The following HEG1 variants were observed in gnomAD, a reference collection of about 807,000 sequenced individuals.
HEG1 encodes the protein heart development protein with EGF like domains 1, also known as protein HEG homolog 1.
In HEG1, 56 loss-of-function variants were observed where a neutral mutation model predicts 125.6. The observed-to-expected ratio is 0.45, with a 90% CI of 0.36 to 0.56. The LOEUF is 0.56. HEG1 is among the 20% of genes least tolerant of loss of function. The pLI, the probability that HEG1 is intolerant of heterozygous loss-of-function variation, is 0.00. For synonymous variants in HEG1, 644 were observed against 668.5 expected (o/e 0.96, Z 0.57); for missense variants, 1,523 against 1,670.0 (o/e 0.91, Z 1.53).
At chr3:125,052,147 T>G (rs1259216103) in intron 1 of HEG1, among the ~76,000 whole-genome samples, 1 of 35,980 alleles carries the variant, frequency 2.8e-5, no homozygotes, top group African/African-American at 1.1e-4. Flanking sequence ...CCTCCCCCCC[T>G]TCTATTTGGG....
intron 8 of HEG1, among the ~76,000 whole-genome samples, chr3:125,005,573 T>C (rs1937060006): frequency 6.6e-6 from 1 of 152,150 alleles, no homozygotes; most frequent in Non-Finnish European, 1.5e-5. Flanking sequence ...TGCTGAAGGC[T>C]TAGATTGAGC....
intron 15 of HEG1, among the ~76,000 whole-genome samples, chr3:124,976,964 G>A (rs6777983): frequency 0.35 from 53,581 of 151,948 alleles, 10,330 homozygotes; most frequent in African/African-American, 0.5. Context: ...GATATGGTTC[G>A]GCTATGTCCC....
At chr3:125,033,565 G>A (rs1937518604) in intron 1 of HEG1, among the ~76,000 whole-genome samples, 6 of 152,216 alleles carry the variant, frequency 3.9e-5, no homozygotes. Flanking sequence ...TCGTATGGGT[G>A]TGCTGTATGT....
chr3:125,027,497 A>G lies in HEG1; in HGVS notation c.621T>C (p.Ser207=). The G allele has an allele frequency of 6.2e-7, 1 of 1,600,638 alleles. No individual in the cohort carries two copies. Among genetic ancestry groups the G allele is most frequent in the Admixed American group, 1.7e-5 (1 of 57,772 alleles). The change falls in exon 3 of 17, where the codon AGT becomes AGC. Residue 207 remains serine (S), a synonymous_variant. Coordinates refer to ENST00000311127, the MANE Select transcript of HEG1 (RefSeq NM_020733.2). The part of the protein sequence containing the change: ...TSQSGNLASE[S]LHLPSSSSEF... ...CTGAACTGCTGGATGGCAGGTGAAGACTTTCTGAGGCTGAAAACAGACAAA... is the reference window on the plus strand; with the variant it reads ...CTGAACTGCTGGATGGCAGGTGAAGGCTTTCTGAGGCTGAAAACAGACAAA...
chr3:125,052,126 G>C (rs2948829), intron 1 of HEG1, among the ~76,000 whole-genome samples: 333 of 144,644 alleles, frequency 2.3e-3, no homozygotes, highest in Non-Finnish European at 3.4e-3. Flanking sequence ...AGAGTCCCTT[G>C]CCCCCTCCCG....
intron 1 of HEG1, among the ~76,000 whole-genome samples, chr3:125,050,135 C>A (rs1937769816): frequency 6.9e-6 from 1 of 144,670 alleles, no homozygotes; most frequent in African/African-American, 2.6e-5. Context: ...ATTCATCCAC[C>A]AACTCTCTTT....
At chr3:124,978,427 G>A (rs368051421) in intron 14 of HEG1, among the ~76,000 whole-genome samples, 3 of 152,094 alleles carry the variant, frequency 2.0e-5, no homozygotes, top group South Asian at 2.1e-4. Flanking sequence ...GATTACAGGC[G>A]TGAGCCACCG....
chr3:125,055,123 A>C (rs903186507), intron 1 of HEG1, among the ~76,000 whole-genome samples: 1 of 152,144 alleles, frequency 6.6e-6, no homozygotes, highest in Non-Finnish European at 1.5e-5. Context: ...TTTGTCCTTT[A>C]CAATATCCCG....
At chr3:124,990,356 TA>T (rs147445880) in intron 14 of HEG1, among the ~76,000 whole-genome samples, 10 of 137,308 alleles carry the variant, frequency 7.3e-5, no homozygotes, top group African/African-American at 1.0e-4. Context: ...TTTTTTTTTT[TA>T]AAACGAAGTG....
intron 14 of HEG1, among the ~76,000 whole-genome samples, chr3:124,987,059 G>T (rs1198107086): frequency 6.6e-6 from 1 of 152,154 alleles, no homozygotes; most frequent in East Asian, 1.9e-4. Context: ...TTATTTAGGG[G>T]TCAGGTGTGG....
chr3:125,026,723 G>C (rs1348339952), intron 3 of HEG1, among the ~76,000 whole-genome samples: 4 of 152,168 alleles, frequency 2.6e-5, no homozygotes, highest in Non-Finnish European at 4.4e-5. Flanking sequence ...CCAATGGCTG[G>C]GTGTGGTGGC....
At chr3:125,046,600 G>C (rs1210505714) in intron 1 of HEG1, among the ~76,000 whole-genome samples, 1 of 152,062 alleles carries the variant, frequency 6.6e-6, no homozygotes, top group Non-Finnish European at 1.5e-5. Flanking sequence ...AGAGCCTGCA[G>C]AATATTGTTC....
In HEG1 at chr3:125,052,453, C is replaced by G. The variant is rs537997654; in HGVS notation, c.316+3122G>C. ...GCATTTTTCTAAGATTATTGTTTCTCGGGCTGGCTGCTCAGCTACTCAGCG... is the reference window on the plus strand; with the variant it reads ...GCATTTTTCTAAGATTATTGTTTCTGGGGCTGGCTGCTCAGCTACTCAGCG... On this transcript the variant is annotated intron_variant, in intron 1 of 16. Coordinates refer to ENST00000311127, the MANE Select transcript of HEG1 (RefSeq NM_020733.2). 2.6e-5 allele frequency among the ~76,000 whole-genome samples: 4 copies of G among 152,278 alleles called. No individual in the cohort carries two copies. The South Asian group carries it at 8.3e-4, about 32-fold the overall frequency.
chr3:124,990,213 A>G (rs546522364), intron 14 of HEG1, among the ~76,000 whole-genome samples: 5 of 152,192 alleles, frequency 3.3e-5, no homozygotes, highest in African/African-American at 1.2e-4. Context: ...TGGTTATCAC[A>G]GTAACACTCA....
chr3:125,027,943 G>T (rs1937441836), intron 2 of HEG1, among the ~76,000 whole-genome samples: 1 of 152,198 alleles, frequency 6.6e-6, no homozygotes. Context: ...GAATACAAAA[G>T]ACTTTCATAT....
At chr3:124,983,627 A>G (rs1053455323) in intron 14 of HEG1, among the ~76,000 whole-genome samples, 1 of 151,408 alleles carries the variant, frequency 6.6e-6, no homozygotes, top group East Asian at 1.9e-4. Context: ...GAGCCACCGC[A>G]CTCAGACAAA....
rs377566985 is a variant in HEG1, at chr3:124,973,693, C to T, written c.3996+38G>A. On this transcript the variant is annotated intron_variant, in intron 16 of 16. Transcript: ENST00000311127. ...GAATTCCTTTACTTCTCAGAGGAACCGGGGGCCCTGGGGTCATCCTGACAC... is the reference window on the plus strand; with the variant it reads ...GAATTCCTTTACTTCTCAGAGGAACTGGGGGCCCTGGGGTCATCCTGACAC... 2.4e-4 allele frequency: 368 copies of T among 1,535,954 alleles called. 1 individual carries two copies. Among genetic ancestry groups the T allele is most frequent in the Middle Eastern group, 3.5e-4 (2 of 5,784 alleles).
chr3:124,990,001 C>T (rs1936803707), intron 14 of HEG1, among the ~76,000 whole-genome samples: 1 of 152,178 alleles, frequency 6.6e-6, no homozygotes, highest in Non-Finnish European at 1.5e-5. Flanking sequence ...TACACACTGT[C>T]CCCAGAACAC....
At chr3:125,051,222 A>T (rs916623826) in intron 1 of HEG1, among the ~76,000 whole-genome samples, 1 of 152,204 alleles carries the variant, frequency 6.6e-6, no homozygotes, top group African/African-American at 2.4e-5. Context: ...CAAAATTTTT[A>T]AAAAATTTTT....
Sources: allele counts gnomAD v4.1 joint callset (sites outside exome capture counted in the v4.1 genomes callset), GRCh38; gene constraint gnomAD v4.1.1; transcripts MANE v1.5; gene names NCBI Gene and HGNC (gene_info 2026-07-23, HGNC 2026-07-21).